FRMPD4: variants seen among roughly 807,000 people sequenced by gnomAD.
The protein encoded by FRMPD4 is FERM and PDZ domain containing 4.
A neutral mutation model predicts 94.1 loss-of-function variants in FRMPD4; 22 were observed. The observed-to-expected ratio is 0.23, with a 90% CI of 0.17 to 0.33. The LOEUF is 0.33. Ranked by LOEUF, FRMPD4 falls within the 10% of genes least tolerant of loss-of-function variation. FRMPD4 has a pLI of 1.00. For missense variants in FRMPD4, 1,111 were observed against 1,339.9 expected (o/e 0.83, Z 2.67); for synonymous variants, 631 against 548.6 (o/e 1.15, Z -2.10).
At chrX:12,344,766 G>A (rs1490826380) in intron 1 of FRMPD4, among the ~76,000 whole-genome samples, 1 of 111,752 alleles carries the variant, frequency 8.9e-6, no homozygotes, top group Admixed American at 9.5e-5. Context: ...CTGGCTTTTC[G>A]TTGTTGTTTT....
intron 2 of FRMPD4, among the ~76,000 whole-genome samples, chrX:12,551,893 CATTCCA>C (rs1307105095): frequency 7.2e-5 from 8 of 111,229 alleles, no homozygotes; most frequent in Non-Finnish European, 1.3e-4. Context: ...CTAATTCTAT[CATTCCA>C]TTTTCACTTA....
intron 3 of FRMPD4, among the ~76,000 whole-genome samples, chrX:11,994,563 G>A (rs904246805): frequency 1.8e-5 from 2 of 111,011 alleles, no homozygotes; most frequent in Non-Finnish European, 3.8e-5. Context: ...TTTGACTTAC[G>A]GGGGGAGCTG....
intron 1 of FRMPD4, among the ~76,000 whole-genome samples, chrX:12,244,823 A>G (rs1276716670): frequency 8.9e-6 from 1 of 111,827 alleles, no homozygotes; most frequent in African/African-American, 3.3e-5. Flanking sequence ...TGCAGAGGCA[A>G]GGTGGACAGA....
At chrX:11,951,685 C>A (rs1196974737) in intron 3 of FRMPD4, among the ~76,000 whole-genome samples, 1 of 111,799 alleles carries the variant, frequency 8.9e-6, no homozygotes, top group African/African-American at 3.3e-5. Context: ...GTACAACAAA[C>A]CCCCATGACA....
At chrX:12,632,441 A>G (rs1650210759) in intron 4 of FRMPD4, among the ~76,000 whole-genome samples, 1 of 111,858 alleles carries the variant, frequency 8.9e-6, no homozygotes, top group African/African-American at 3.3e-5. Context: ...GGATGCTTCC[A>G]CTCCATTGAG....
At chrX:12,488,059 T>C (rs2057756628) in intron 1 of FRMPD4, among the ~76,000 whole-genome samples, 1 of 112,256 alleles carries the variant, frequency 8.9e-6, no homozygotes, top group Non-Finnish European at 1.9e-5. Flanking sequence ...CCAGTGCATT[T>C]AGGTGTACCT....
intron 3 of FRMPD4, among the ~76,000 whole-genome samples, chrX:12,113,180 A>C (rs1252225407): frequency 9.0e-6 from 1 of 111,718 alleles, no homozygotes; most frequent in Non-Finnish European, 1.9e-5. Context: ...GCACAGCAGA[A>C]CACATTGCTT....
chrX:11,933,417 C>A (rs903463326), intron 3 of FRMPD4, among the ~76,000 whole-genome samples: 1 of 112,391 alleles, frequency 8.9e-6, no homozygotes, highest in African/African-American at 3.2e-5. Flanking sequence ...GCTATCTTAG[C>A]AGTCTAAAAT....
intron 3 of FRMPD4, among the ~76,000 whole-genome samples, chrX:11,960,149 G>A (rs1193603740): frequency 8.9e-6 from 1 of 111,997 alleles, no homozygotes; most frequent in African/African-American, 3.2e-5. Context: ...CAATGTTGGG[G>A]AATAATTGTC....
chrX:12,645,406 A>AGT (rs1307682537), intron 4 of FRMPD4, among the ~76,000 whole-genome samples: 2 of 82,814 alleles, frequency 2.4e-5, no homozygotes, highest in East Asian at 8.0e-4. Flanking sequence ...CCTAGGCTGG[A>AGT]GTGTAATGGC....
chrX:11,847,355 T>A (rs774702888), intron 1 of FRMPD4, among the ~76,000 whole-genome samples: 1 of 104,740 alleles, frequency 9.5e-6, no homozygotes, highest in East Asian at 3.1e-4. Flanking sequence ...CCAGTTAGAA[T>A]GGCAATCATT....
intron 3 of FRMPD4, among the ~76,000 whole-genome samples, chrX:12,005,278 C>T (rs1373657609): frequency 3.7e-5 from 4 of 108,103 alleles, no homozygotes; most frequent in Admixed American, 2.0e-4. Context: ...GGGATGGGAC[C>T]GAAGAATCTG....
intron 1 of FRMPD4, among the ~76,000 whole-genome samples, chrX:12,490,117 C>G (rs2057777680): frequency 9.0e-6 from 1 of 111,587 alleles, no homozygotes; most frequent in Admixed American, 9.5e-5. Flanking sequence ...CTATCCCACA[C>G]AGCGGGAACT....
intron 3 of FRMPD4, among the ~76,000 whole-genome samples, chrX:12,117,752 C>T (rs1464809173): frequency 8.9e-6 from 1 of 112,154 alleles, no homozygotes; most frequent in Non-Finnish European, 1.9e-5. Context: ...TTGGTTTGCG[C>T]TGGACAGACC....
chrX:12,167,264 G>A (rs1157266823), intron 1 of FRMPD4, among the ~76,000 whole-genome samples: 1 of 111,676 alleles, frequency 9.0e-6, no homozygotes, highest in Non-Finnish European at 1.9e-5. Flanking sequence ...CTTTGTTCTG[G>A]TTGGTTTCAA....
chrX:11,952,834 A>G (rs948941717), intron 3 of FRMPD4, among the ~76,000 whole-genome samples: 4 of 111,753 alleles, frequency 3.6e-5, no homozygotes, highest in African/African-American at 1.3e-4. Flanking sequence ...GGTGGAGACC[A>G]TCAGCAACAT....
upstream of FRMPD4, among the ~76,000 whole-genome samples, chrX:12,133,531 C>T (rs1339865781): frequency 4.5e-5 from 5 of 111,414 alleles, no homozygotes; most frequent in Admixed American, 4.8e-4. Flanking sequence ...CTCAAGTGAT[C>T]CTCCCACCTC....
chrX:11,974,556 A>G (rs758846683), intron 3 of FRMPD4, among the ~76,000 whole-genome samples: 2 of 112,410 alleles, frequency 1.8e-5, no homozygotes, highest in Non-Finnish European at 3.8e-5. Flanking sequence ...CAACTAAGAC[A>G]AAAGCCCAAA....
chrX:12,220,325 A>G (rs1157317369), intron 1 of FRMPD4, among the ~76,000 whole-genome samples: 1 of 112,352 alleles, frequency 8.9e-6, no homozygotes, highest in Non-Finnish European at 1.9e-5. Flanking sequence ...CTATAAAGTC[A>G]TGCTTGATAA....
Sources: gnomAD v4.1 joint callset for allele counts (sites outside exome capture counted in the v4.1 genomes callset) on GRCh38, gnomAD v4.1.1 for gene constraint, MANE v1.5 for transcripts, NCBI Gene and HGNC (gene_info 2026-07-23, HGNC 2026-07-21) for gene names.